Variants in GDAP1 observed in about 807,000 individuals in gnomAD.
GDAP1 encodes ganglioside induced differentiation associated protein 1.
Under a neutral mutation model 40.1 loss-of-function variants are expected in GDAP1, and 34 were observed. That is an observed-to-expected ratio of 0.85 (90% CI 0.64 to 1.13). The LOEUF is 1.13. GDAP1 is among the 50% of genes most tolerant of loss of function. The probability of loss-of-function intolerance (pLI) is 0.00; values close to 1 mark genes in which losing one functional copy is unlikely to be tolerated. For synonymous variants in GDAP1, 170 were observed against 157.4 expected, an observed-to-expected ratio of 1.08 and a Z score of -0.60; for missense variants, 374 against 433.7, an observed-to-expected ratio of 0.86 and a Z score of 1.22.
intron 2 of GDAP1, among the ~76,000 whole-genome samples, chr8:74,352,718 A>G (rs533916476): frequency 2.0e-5 from 3 of 152,324 alleles, no homozygotes; most frequent in Admixed American, 6.5e-5. Flanking sequence ...ATAAATTTAT[A>G]TGCTGGGGAC....
At chr8:74,404,592 G>T (rs1490889148) in intron 2 of GDAP1, among the ~76,000 whole-genome samples, 1 of 149,842 alleles carries the variant, frequency 6.7e-6, no homozygotes, top group East Asian at 1.9e-4. Context: ...AAGCAAGTCT[G>T]TCTGGCCTCA....
intron 2 of GDAP1, among the ~76,000 whole-genome samples, chr8:74,422,313 CTTT>C (rs1563465261): frequency 0.014 from 605 of 43,192 alleles, 4 homozygotes; most frequent in African/African-American, 0.054. Flanking sequence ...TTCTTTCTTT[CTTT>C]CTTTCTTTCT....
At chr8:74,419,674 A>G (rs1488573763) in intron 2 of GDAP1, among the ~76,000 whole-genome samples, 1 of 152,084 alleles carries the variant, frequency 6.6e-6, no homozygotes, top group Admixed American at 6.6e-5. Context: ...TAATGACATT[A>G]TATTTATTTT....
intron 2 of GDAP1, among the ~76,000 whole-genome samples, chr8:74,456,187 A>G (rs1806334457): frequency 6.6e-6 from 1 of 151,968 alleles, no homozygotes; most frequent in Non-Finnish European, 1.5e-5. Context: ...ATACAGGCAC[A>G]CTAACTAACC....
At chr8:74,366,942 G>C (rs966968706), downstream of GDAP1, 33 of 360,782 alleles carry the variant, frequency 9.1e-5, no homozygotes, top group Non-Finnish European at 1.6e-4. Context: ...AAAGCATCAT[G>C]TGGTAGTTAA....
chr8:74,364,420 T>G lies in GDAP1; in HGVS notation c.*53T>G. ...CATCCAAGCATTTAGCTAGACCCTG[T>G]GATTGCCCGTGGCTCTCTGAGTCTG... is the stretch of plus-strand genomic sequence containing the variant. On this transcript the variant is annotated 3_prime_UTR_variant, in exon 6 of 6. Coordinates refer to ENST00000220822, the MANE Select transcript of GDAP1 (RefSeq NM_018972.4). 6.5e-7 allele frequency: 1 copy of G among 1,548,772 alleles called. No individual in the cohort carries two copies. Among genetic ancestry groups the G allele is most frequent in the Non-Finnish European group, 8.9e-7 (1 of 1,129,230 alleles).
In GDAP1 at chr8:74,362,784, C is replaced by T. The variant is rs867266842; in HGVS notation, c.580-155C>T. Among the ~76,000 whole-genome samples, 107 of 60,450 alleles carry T rather than the reference C, an allele frequency of 1.8e-3. 1 individual carries two copies. The highest frequency in any genetic ancestry group is 4.1e-3 in the African/African-American group (65 of 15,806). The allele number at this position is 60,450 out of a possible 152,430, so 39.7% of individuals were successfully genotyped here. On this transcript the variant is annotated intron_variant, in intron 4 of 5. Transcript: ENST00000220822. ...CCCTTCAACTTAGCTCTCTCTCTCT[C>T]TTTTTTTTTTTTTTTTTTTTGCTGA...
chr8:74,393,195 T>C (rs1810138615), intron 2 of GDAP1, among the ~76,000 whole-genome samples: 1 of 152,360 alleles, frequency 6.6e-6, no homozygotes, highest in East Asian at 1.9e-4. Flanking sequence ...TAAGTTTATC[T>C]AATTTAAATA....
rs763963750 is a variant in GDAP1 at position 74,364,000 on chromosome 8, C to G, written c.710C>G (p.Pro237Arg). 1.5e-5 allele frequency: 24 copies of G among 1,613,922 alleles called. No individual in the cohort carries two copies. Among genetic ancestry groups the G allele is most frequent in the Non-Finnish European group, 1.3e-5 (15 of 1,179,924 alleles). Residue 237 changes from proline (P) to arginine (R), a missense_variant, in exon 6 of 6, where the codon CCT becomes CGT. Pro to Arg is a moderately radical substitution (Grantham distance 103). Transcript: ENST00000220822. The stretch of plus-strand genomic sequence containing the variant: ...CTCTAATTAGAAGAGGGCCAGCAAC[C>G]TTGGCTCTGCGGTGAATCCTTCACC... ...NEETPEEGQQ[P>R]WLCGESFTLA...
intron 2 of GDAP1, among the ~76,000 whole-genome samples, chr8:74,467,793 A>G (rs754587250): frequency 6.6e-6 from 1 of 152,158 alleles, no homozygotes; most frequent in African/African-American, 2.4e-5. Context: ...TACATTCACC[A>G]GTATTTGCTT....
intron 2 of GDAP1, among the ~76,000 whole-genome samples, chr8:74,377,763 C>G (rs1187242734): frequency 6.6e-6 from 1 of 152,228 alleles, no homozygotes; most frequent in Non-Finnish European, 1.5e-5. Context: ...AACAATCCCA[C>G]TCTTAGGTAT....
intron 2 of GDAP1, among the ~76,000 whole-genome samples, chr8:74,402,940 T>A (rs530504756): frequency 6.7e-6 from 1 of 149,956 alleles, no homozygotes; most frequent in Non-Finnish European, 1.5e-5. Context: ...TAAAGACAAT[T>A]CAAGTTTCAA....
At chr8:74,434,423 T>G (rs1489501303) in intron 2 of GDAP1, among the ~76,000 whole-genome samples, 1 of 152,176 alleles carries the variant, frequency 6.6e-6, no homozygotes, top group Non-Finnish European at 1.5e-5. Context: ...ACCATCAGTA[T>G]ATACTGAAGA....
At position 74,393,483 on chromosome 8, in the gene GDAP1, G is replaced by A. The variant is rs150054633; in HGVS notation, c.165+42162G>A. ...TTTTTGTTTAATGTGCATAAACTGTGTGAGGTATCCTGGATCAAAATGTTC... is the reference window on the plus strand; with the variant it reads ...TTTTTGTTTAATGTGCATAAACTGTATGAGGTATCCTGGATCAAAATGTTC... On this transcript the variant is annotated intron_variant, in intron 2 of 2. Coordinates refer to the GDAP1 transcript ENST00000523640. 9.9e-4 allele frequency among the ~76,000 whole-genome samples: 151 copies of A among 152,280 alleles called. 1 individual carries two copies. The East Asian group carries it at 0.026, about 26-fold the overall frequency.
chr8:74,377,327 G>A (rs750015278), intron 2 of GDAP1, among the ~76,000 whole-genome samples: 6 of 152,038 alleles, frequency 3.9e-5, no homozygotes, highest in Non-Finnish European at 5.9e-5. Flanking sequence ...AATATATAAA[G>A]TATACCTCCA....
intron 2 of GDAP1, among the ~76,000 whole-genome samples, chr8:74,398,001 T>C (rs1418117700): frequency 6.6e-6 from 1 of 151,822 alleles, no homozygotes; most frequent in Non-Finnish European, 1.5e-5. Flanking sequence ...TGGAATGTTC[T>C]TCCATTTGTT....
chr8:74,400,238 G>T (rs889309876), intron 2 of GDAP1, among the ~76,000 whole-genome samples: 2 of 149,810 alleles, frequency 1.3e-5, no homozygotes, highest in Non-Finnish European at 2.9e-5. Context: ...GTGCTCCTGT[G>T]TTGGGTACAT....
rs148551691 is a variant in GDAP1, at chr8:74,403,203, G to T, written c.165+51882G>T. The stretch of plus-strand genomic sequence containing the variant: ...TATTTCATTTAGTTTGACTACACTG[G>T]GTTTTTAAAAATGATATAGATGCTT... On this transcript the variant is annotated intron_variant, in intron 2 of 2. Transcript: ENST00000523640. Among the ~76,000 whole-genome samples the T allele has an allele frequency of 4.8e-3, 723 of 149,746 alleles. 73 individuals are homozygous for T. The highest frequency in any genetic ancestry group is 0.016 in the African/African-American group (614 of 39,250).
At chr8:74,362,784 C>CTCTTTTTTTTTT (rs1300148699) in intron 4 of GDAP1, among the ~76,000 whole-genome samples, 155 bp from the exon 5 acceptor site, 5 of 60,448 alleles carry the variant, frequency 8.3e-5, no homozygotes, top group Non-Finnish European at 1.5e-4. Flanking sequence ...CTCTCTCTCT[C>CTCTTTTTTTTTT]TTTTTTTTTT....
Sources: gnomAD v4.1 joint callset for allele counts (sites outside exome capture counted in the v4.1 genomes callset) on GRCh38, gnomAD v4.1.1 for gene constraint, MANE v1.5 for transcripts, NCBI Gene and HGNC (gene_info 2026-07-23, HGNC 2026-07-21) for gene names.